Variants in DOCK7 observed in about 807,000 individuals in gnomAD.
The protein encoded by DOCK7 is dedicator of cytokinesis protein 7.
A neutral mutation model predicts 271.0 loss-of-function variants in DOCK7; 138 were observed. That is an observed-to-expected ratio of 0.51 (90% confidence interval 0.44 to 0.59). DOCK7 has a LOEUF of 0.59. Among genes scored for constraint, DOCK7 ranks in the 20% least tolerant of loss-of-function variants. The pLI is 0.00. For synonymous variants in DOCK7, 823 were observed against 876.1 expected, an observed-to-expected ratio of 0.94 and a Z score of 1.07; for missense variants, 2,066 against 2,592.4, an observed-to-expected ratio of 0.80 and a Z score of 4.41.
chr1:62,563,708 G>A (rs910373368), intron 18 of DOCK7, among the ~76,000 whole-genome samples: 1 of 151,566 alleles, frequency 6.6e-6, no homozygotes, highest in Admixed American at 6.6e-5. Flanking sequence ...TGTTAACTCC[G>A]AATGTAAACG....
In DOCK7 at chr1:62,475,848, T is replaced by C; in HGVS notation, c.5820A>G (p.Arg1940=). Residue 1940 remains arginine (R), a synonymous_variant, in exon 46 of 50, where the codon CGA becomes CGG. Transcript: ENST00000635253. ...TYFDKNYNLR[R]FMYCTPFTLD... is the part of the protein sequence containing the mutation. ...AAGTAAAGGGTGTACAGTACATGAA[T>C]CGACGAAGATTGTAATTTTTGTCGA... 1 of 1,614,096 alleles carries C rather than the reference T, an allele frequency of 6.2e-7. No homozygotes were observed. The highest frequency in any genetic ancestry group is 1.3e-5 in the African/African-American group (1 of 75,050).
intron 35 of DOCK7, among the ~76,000 whole-genome samples, chr1:62,506,394 T>C (rs1646937223): frequency 6.6e-6 from 1 of 152,168 alleles, no homozygotes; most frequent in African/African-American, 2.4e-5. Flanking sequence ...CAAGCAACCA[T>C]CTTGGGATCA....
chr1:62,581,813 A>G (rs1367324410), intron 16 of DOCK7, among the ~76,000 whole-genome samples: 1 of 152,180 alleles, frequency 6.6e-6, no homozygotes, highest in African/African-American at 2.4e-5. Context: ...ATATAAAGAC[A>G]AGAAAGAAGA....
Position 62,631,357 on chromosome 1 carries a change from G to C in DOCK7, c.1165C>G (p.Gln389Glu). 1 of 1,612,540 alleles carries C rather than the reference G, an allele frequency of 6.2e-7. No individual in the cohort carries two copies. Among genetic ancestry groups the C allele is most frequent in the South Asian group, 1.1e-5 (1 of 90,622 alleles). ...KLKSQADQFC[Q>E]RLGKYRMPFA... ...GGCATGCGATATTTCCCAAGTCTTT[G>C]GCAAAACTGATCTGCTTGACTCTTC... is the stretch of plus-strand genomic sequence containing the variant. Residue 389 changes from glutamine (Q) to glutamate (E), a missense_variant, in exon 11 of 50, where the codon CAA (glutamine) becomes GAA (glutamate). By Grantham distance (29) the Gln-to-Glu change is conservative. Transcript: ENST00000635253.
intron 22 of DOCK7, among the ~76,000 whole-genome samples, chr1:62,552,333 T>C (rs1645935290): frequency 6.6e-6 from 1 of 152,208 alleles, no homozygotes; most frequent in Non-Finnish European, 1.5e-5. Context: ...TGGAAAATTG[T>C]TTAATCACTC....
chr1:62,470,736 G>A (rs1047739566), intron 48 of DOCK7, among the ~76,000 whole-genome samples: 2 of 152,160 alleles, frequency 1.3e-5, no homozygotes, highest in Admixed American at 1.3e-4. Context: ...AGAGGGTGCA[G>A]TGAGCTGAGA....
chr1:62,578,264 C>G (rs565303236), intron 17 of DOCK7, among the ~76,000 whole-genome samples: 4 of 152,224 alleles, frequency 2.6e-5, no homozygotes, highest in Admixed American at 6.5e-5. Flanking sequence ...GTTGGGTATA[C>G]ACCTAATAAT....
chr1:62,539,426 C>T, intron 27 of DOCK7, 119 bp downstream of exon 27: 1 of 798,542 alleles, frequency 1.3e-6, no homozygotes. Flanking sequence ...ACTTTGGCTA[C>T]TTTTTGTTTT....
intron 4 of DOCK7, among the ~76,000 whole-genome samples, chr1:62,650,371 A>AATG (rs1262536232): frequency 5.6e-4 from 17 of 30,490 alleles, no homozygotes; most frequent in African/African-American, 8.4e-4. Context: ...TAAATAAATG[A>AATG]AGTACTTTTG....
intron 38 of DOCK7, chr1:62,496,033 A>G: frequency 2.8e-6 from 1 of 360,200 alleles, no homozygotes; most frequent in Non-Finnish European, 4.9e-6. Flanking sequence ...TTTAGTTTTT[A>G]AGGCATATTA....
chr1:62,613,537 T>C (rs1652065490), intron 14 of DOCK7, among the ~76,000 whole-genome samples: 1 of 152,206 alleles, frequency 6.6e-6, no homozygotes, highest in African/African-American at 2.4e-5. Flanking sequence ...TTCAAAAGAA[T>C]ATTTTTTAAA....
At chr1:62,648,361 T>C (rs748462591) in intron 5 of DOCK7, 43 bp from the exon 6 acceptor site, 2 of 1,425,770 alleles carry the variant, frequency 1.4e-6, no homozygotes, top group South Asian at 1.7e-5. Flanking sequence ...AATTAATAAA[T>C]TGACAACTAT....
intron 22 of DOCK7, among the ~76,000 whole-genome samples, chr1:62,548,700 C>T (rs971823307): frequency 1.3e-5 from 2 of 152,142 alleles, no homozygotes; most frequent in African/African-American, 4.8e-5. Context: ...GGATTATGGG[C>T]GTGAGCCACC....
At chr1:62,579,959 T>C (rs890989417) in intron 16 of DOCK7, among the ~76,000 whole-genome samples, 8 of 152,260 alleles carry the variant, frequency 5.3e-5, no homozygotes, top group African/African-American at 1.9e-4. Flanking sequence ...TCAATATTCA[T>C]TGAGAATAAT....
At chr1:62,563,148 T>G (rs1218974405) in intron 18 of DOCK7, among the ~76,000 whole-genome samples, 7 of 152,206 alleles carry the variant, frequency 4.6e-5, no homozygotes, top group Non-Finnish European at 7.4e-5. Flanking sequence ...AGTGGAGAGC[T>G]TGAAATTCCA....
chr1:62,508,438 T>A (rs1053336510), intron 34 of DOCK7, among the ~76,000 whole-genome samples: 1 of 152,238 alleles, frequency 6.6e-6, no homozygotes, highest in Non-Finnish European at 1.5e-5. Context: ...TCTTACTATT[T>A]CAAATATTTC....
intron 14 of DOCK7, chr1:62,604,024 T>A (rs747160820): frequency 6.2e-7 from 1 of 1,613,154 alleles, no homozygotes; most frequent in Non-Finnish European, 8.5e-7. Context: ...AATCTAATTA[T>A]GTTTTACGAA....
chr1:62,486,018 T>C (rs1161087198), intron 43 of DOCK7: 1 of 152,132 alleles, frequency 6.6e-6, no homozygotes, highest in African/African-American at 2.4e-5. Context: ...TCACGGAAAC[T>C]AGTAATAAAC....
At chr1:62,468,318 G>C (rs1023456705) in intron 48 of DOCK7, among the ~76,000 whole-genome samples, 2 of 137,556 alleles carry the variant, frequency 1.5e-5, no homozygotes, top group African/African-American at 2.8e-5. Flanking sequence ...CCAAGATCGC[G>C]CCATTGCACT....
Sources: gnomAD v4.1 joint callset for allele counts (sites outside exome capture counted in the v4.1 genomes callset) on GRCh38, gnomAD v4.1.1 for gene constraint, MANE v1.5 for transcripts, NCBI Gene and HGNC (gene_info 2026-07-23, HGNC 2026-07-21) for gene names.